Variants in HIF1A observed in about 807,000 individuals in gnomAD.
HIF1A encodes the protein hypoxia-inducible factor 1-alpha.
Under a neutral mutation model 92.7 loss-of-function variants are expected in HIF1A, and 24 were observed. The ratio of observed to expected loss-of-function variants is 0.26; its 90% CI spans 0.19 to 0.36. HIF1A has a LOEUF of 0.36. HIF1A is among the 10% of genes least tolerant of loss of function. The pLI, the probability that HIF1A is intolerant of heterozygous loss-of-function variation, is 1.00. For synonymous variants in HIF1A, 319 were observed against 338.7 expected (o/e 0.94, Z 0.64); for missense variants, 799 against 998.5 (o/e 0.80, Z 2.69).
chr14:61,700,817 C>A (rs988792038), intron 1 of HIF1A, among the ~76,000 whole-genome samples: 6 of 152,200 alleles, frequency 3.9e-5, no homozygotes, highest in African/African-American at 1.2e-4. Flanking sequence ...CCTTCCTTCT[C>A]TTCTCTTTCT....
intron 1 of HIF1A, among the ~76,000 whole-genome samples, chr14:61,696,715 A>T (rs752117606): frequency 6.6e-6 from 1 of 152,218 alleles, no homozygotes; most frequent in Non-Finnish European, 1.5e-5. Flanking sequence ...AGTTTTAATG[A>T]TACTGAAAAA....
chr14:61,738,004 G>A (rs376511565), intron 9 of HIF1A, 83 bp from the exon 10 acceptor site: 2 of 1,165,676 alleles, frequency 1.7e-6, no homozygotes, highest in South Asian at 3.2e-5. Flanking sequence ...TCCAGCCTGG[G>A]CAACAGAGCA....
chr14:61,734,295 T>G lies in HIF1A; in HGVS notation c.1028+10T>G, dbSNP rs757969896. ...TGAATTACGTTGTGAGGTAAGTAAG[T>G]TTGAGAAATAAACATTTTTGGGGAA... On this transcript the variant is annotated intron_variant, in intron 8 of 14. Coordinates refer to ENST00000337138, the MANE Select transcript of HIF1A (RefSeq NM_001530.4). 4.8e-5 allele frequency: 77 copies of G among 1,595,494 alleles called. No individual in the cohort carries two copies. The highest frequency in any genetic ancestry group is 6.5e-5 in the Non-Finnish European group (76 of 1,169,084).
At chr14:61,729,327 G>A (rs540211069) in intron 6 of HIF1A, among the ~76,000 whole-genome samples, 1 of 151,798 alleles carries the variant, frequency 6.6e-6, no homozygotes, top group South Asian at 2.1e-4. Context: ...CTGGGTATGG[G>A]GGCACATGTC....
In HIF1A at chr14:61,714,970, G is replaced by A. The variant is rs373244244; in HGVS notation, c.36-5412G>A. ...AATTGCTTGAACCCAGGAGGCAGAG[G>A]TTGCAGTGAGCCGAGATCGCGCCAT... On this transcript the variant is annotated intron_variant, in intron 1 of 14. Coordinates refer to ENST00000337138, the MANE Select transcript of HIF1A (RefSeq NM_001530.4). Among the ~76,000 whole-genome samples, 53 of 152,170 alleles carry A rather than the reference G, an allele frequency of 3.5e-4. No individual in the cohort carries two copies. In the East Asian group the frequency reaches 6.0e-3, roughly 17 times the overall value.
chr14:61,721,460 A>T (rs764285221), intron 2 of HIF1A, 49 bp from the exon 3 acceptor site: 15 of 1,475,722 alleles, frequency 1.0e-5, no homozygotes, highest in Middle Eastern at 1.8e-4. Flanking sequence ...TATATCATTT[A>T]AGTACAACTT....
intron 1 of HIF1A, chr14:61,697,724 T>G: frequency 2.3e-6 from 3 of 1,296,294 alleles, no homozygotes; most frequent in Non-Finnish European, 2.9e-6. Context: ...TAAGTGGTGG[T>G]TACTCAGCAC....
intron 11 of HIF1A, 22 bp from the exon 12 acceptor site, chr14:61,740,731 ACT>A (rs1466765689): frequency 6.3e-7 from 1 of 1,582,524 alleles, no homozygotes; most frequent in Non-Finnish European, 8.6e-7. Context: ...CATTGTAAAA[ACT>A]CATGTATTTG....
intron 12 of HIF1A, 137 bp downstream of exon 12, chr14:61,741,325 A>G: frequency 1.7e-6 from 1 of 575,504 alleles, no homozygotes. Context: ...AACTCAAAAA[A>G]CTTTCTAAAT....
chr14:61,737,221 A>G, intron 9 of HIF1A, 112 bp downstream of exon 9: 1 of 696,210 alleles, frequency 1.4e-6, no homozygotes. Context: ...ATTACAAGCT[A>G]ATATATGTTT....
intron 9 of HIF1A, among the ~76,000 whole-genome samples, chr14:61,737,529 T>A (rs779977942): frequency 3.3e-5 from 5 of 152,178 alleles, no homozygotes; most frequent in Non-Finnish European, 2.9e-5. Flanking sequence ...TTTTAATGTA[T>A]AAAAAGGTTG....
chr14:61,701,464 T>A (rs2044175319), intron 1 of HIF1A, among the ~76,000 whole-genome samples: 1 of 152,162 alleles, frequency 6.6e-6, no homozygotes, highest in Non-Finnish European at 1.5e-5. Flanking sequence ...CCCCCTTTTT[T>A]TTTTCCAAGT....
chr14:61,738,523 C>A, intron 10 of HIF1A, 150 bp downstream of exon 10: 1 of 745,812 alleles, frequency 1.3e-6, no homozygotes, highest in Non-Finnish European at 2.2e-6. Flanking sequence ...ATTGCAAGAG[C>A]TACTGCCTAA....
intron 2 of HIF1A, among the ~76,000 whole-genome samples, chr14:61,721,114 GC>G (rs2044421703): frequency 6.6e-6 from 1 of 152,266 alleles, no homozygotes; most frequent in Middle Eastern, 3.4e-3. Context: ...GCTGGTAGGT[GC>G]CTGTAATCTC....
chr14:61,720,138 G>A (rs1014246701), intron 1 of HIF1A, among the ~76,000 whole-genome samples: 5 of 152,260 alleles, frequency 3.3e-5, no homozygotes, highest in Middle Eastern at 3.4e-3. Context: ...ACCTGCTTCC[G>A]ACAGGTTTAA....
At chr14:61,717,707 A>G (rs567464188) in intron 1 of HIF1A, among the ~76,000 whole-genome samples, 1 of 152,314 alleles carries the variant, frequency 6.6e-6, no homozygotes, top group South Asian at 2.1e-4. Flanking sequence ...AACTGGAGAC[A>G]TTCCATCACC....
Position 61,740,658 on chromosome 14 carries a change from T to G in HIF1A, c.1659+31T>G, listed in dbSNP as rs765483047. On this transcript the variant is annotated intron_variant, in intron 11 of 14. Transcript: ENST00000337138. ...TGAACTTATTTGTTTTATATTAAAT[T>G]TCATTAATTTTTAGTCTGAAGTGAC... 6 of 1,557,384 alleles carry G rather than the reference T, an allele frequency of 3.9e-6. No homozygotes were observed. The South Asian group carries it at 7.2e-5, about 19-fold the overall frequency.
At chr14:61,701,833 C>T (rs537807939) in intron 1 of HIF1A, among the ~76,000 whole-genome samples, 64 of 151,788 alleles carry the variant, frequency 4.2e-4, no homozygotes, top group African/African-American at 1.4e-3. Context: ...ACTAAAAATA[C>T]CAAAATTAGC....
chr14:61,728,472 C>G (rs937330052), intron 6 of HIF1A, among the ~76,000 whole-genome samples: 3 of 152,186 alleles, frequency 2.0e-5, no homozygotes, highest in African/African-American at 7.2e-5. Context: ...ATTACTGTAA[C>G]AACTGTACTA....
Sources: allele counts gnomAD v4.1 joint callset (sites outside exome capture counted in the v4.1 genomes callset), GRCh38; gene constraint gnomAD v4.1.1; transcripts MANE v1.5; gene names NCBI Gene and HGNC (gene_info 2026-07-23, HGNC 2026-07-21).